Variants in GRIK5 observed in about 807,000 individuals in gnomAD.
The protein encoded by GRIK5 is glutamate ionotropic receptor kainate type subunit 5.
GRIK5 carries 43 observed loss-of-function variants against 97.4 expected under a neutral mutation model. That is an observed-to-expected ratio of 0.44 (90% CI 0.35 to 0.57). The LOEUF (loss-of-function observed/expected upper bound fraction) is 0.57. GRIK5 is among the 20% of genes least tolerant of loss of function. The pLI is 0.01. For synonymous variants in GRIK5, 580 were observed against 583.5 expected, an observed-to-expected ratio of 0.99 and a Z score of 0.09; for missense variants, 1,015 against 1,382.0, an observed-to-expected ratio of 0.73 and a Z score of 4.21.
In GRIK5 at chr19:42,005,934, T is replaced by C; in HGVS notation, c.2052A>G (p.Gln684=). 14 of 1,564,444 alleles carry C rather than the reference T, an allele frequency of 8.9e-6. No individual in the cohort carries two copies. Among genetic ancestry groups the C allele is most frequent in the Non-Finnish European group, 1.2e-5 (14 of 1,140,822 alleles). ...TGTAGTTCCACATGCGCTGGTACGT[T>C]TGGTACCGTGAATTCTGGGCAGGAG... ...TMTFFQNSRY[Q]TYQRMWNYMQ... is the part of the protein sequence containing the mutation. Residue 684 remains glutamine, a synonymous_variant, in exon 17 of 20, where the codon CAA becomes CAG. Coordinates refer to ENST00000593562, the MANE Select transcript of GRIK5 (RefSeq NM_002088.5).
chr19:42,040,973 T>C (rs1039067553), intron 12 of GRIK5, among the ~76,000 whole-genome samples: 1 of 152,138 alleles, frequency 6.6e-6, no homozygotes, highest in Admixed American at 6.6e-5. Context: ...GGCAGCTTTA[T>C]GGGGCAGCGC....
intron 15 of GRIK5, among the ~76,000 whole-genome samples, chr19:42,011,385 T>C (rs2075559909): frequency 6.6e-6 from 1 of 151,408 alleles, no homozygotes; most frequent in Non-Finnish European, 1.5e-5. Flanking sequence ...ACCCCGTCTC[T>C]ACTAAAAATA....
chr19:42,019,992 T>G (rs1031224415), intron 15 of GRIK5, among the ~76,000 whole-genome samples: 2 of 151,772 alleles, frequency 1.3e-5, no homozygotes, highest in South Asian at 2.1e-4. Context: ...TGGGGGTTTT[T>G]TTTTTTTTTT....
chr19:42,024,829 C>G (rs965090450), intron 12 of GRIK5, among the ~76,000 whole-genome samples: 10 of 152,216 alleles, frequency 6.6e-5, no homozygotes, highest in Non-Finnish European at 1.0e-4. Context: ...CCCTCCAGGG[C>G]TCCTCACACC....
At chr19:42,061,942 A>C (rs1244541775) in intron 5 of GRIK5, among the ~76,000 whole-genome samples, 1 of 152,136 alleles carries the variant, frequency 6.6e-6, no homozygotes, top group African/African-American at 2.4e-5. Flanking sequence ...CATTTCAGCC[A>C]CTGGGAGTAT....
intron 1 of GRIK5, chr19:42,068,851 C>A (rs1169374990): frequency 4.4e-6 from 3 of 681,792 alleles, no homozygotes; most frequent in Admixed American, 4.2e-5. Flanking sequence ...GGGGACAGGG[C>A]CAAGGCCCAC....
chr19:42,045,945 A>C (rs2076038127), intron 11 of GRIK5, among the ~76,000 whole-genome samples: 1 of 152,212 alleles, frequency 6.6e-6, no homozygotes, highest in Admixed American at 6.5e-5. Context: ...AGAATCAGAC[A>C]GTGGATATGG....
intron 15 of GRIK5, among the ~76,000 whole-genome samples, chr19:42,012,381 G>A (rs901968790): frequency 2.0e-5 from 3 of 152,052 alleles, no homozygotes; most frequent in African/African-American, 7.2e-5. Context: ...CTCCCGAGTA[G>A]CTGGAACTAC....
At chr19:42,057,040 GA>G in intron 6 of GRIK5, 62 bp from the exon 7 acceptor site, 1 of 1,224,796 alleles carries the variant, frequency 8.2e-7, no homozygotes, top group Non-Finnish European at 1.2e-6. Context: ...CAGAGATGGG[GA>G]GGACTCAAGA....
At chr19:42,012,313 C>T (rs1166540193) in intron 15 of GRIK5, among the ~76,000 whole-genome samples, 5 of 152,080 alleles carry the variant, frequency 3.3e-5, no homozygotes, top group African/African-American at 9.7e-5. Flanking sequence ...TGCAGTGGCA[C>T]GATCTCAGCT....
chr19:42,047,664 C>A (rs1267685199), intron 11 of GRIK5, among the ~76,000 whole-genome samples: 2 of 151,826 alleles, frequency 1.3e-5, no homozygotes, highest in African/African-American at 4.8e-5. Context: ...GAATTAAATA[C>A]CCATATGGAA....
chr19:42,025,810 T>C (rs961178127), intron 12 of GRIK5, among the ~76,000 whole-genome samples: 8 of 152,294 alleles, frequency 5.3e-5, no homozygotes, highest in African/African-American at 1.4e-4. Context: ...CACAGTATTT[T>C]CCTGCTTAGA....
intron 11 of GRIK5, among the ~76,000 whole-genome samples, chr19:42,050,425 C>T (rs1012864120): frequency 2.6e-5 from 4 of 151,640 alleles, no homozygotes; most frequent in South Asian, 2.1e-4. Flanking sequence ...TTTGGGAGGC[C>T]GAGACGGGCA....
intron 12 of GRIK5, among the ~76,000 whole-genome samples, chr19:42,026,456 G>A (rs113832858): frequency 0.02 from 2,999 of 151,232 alleles, 111 homozygotes; most frequent in African/African-American, 0.069. Context: ...GTTTCACCAC[G>A]TTGGCCAGGT....
In GRIK5 at chr19:42,070,162, G is replaced by A. The variant is rs1032070154; in HGVS notation, c.-972C>T. 9.2e-5 allele frequency among the ~76,000 whole-genome samples: 14 copies of A among 152,186 alleles called. No homozygotes were observed. Among genetic ancestry groups the A allele is most frequent in the African/African-American group, 2.4e-4 (10 of 41,544 alleles). On this transcript the variant is annotated 5_prime_UTR_variant, in exon 1 of 20. Coordinates refer to ENST00000593562, the MANE Select transcript of GRIK5 (RefSeq NM_002088.5). The stretch of plus-strand genomic sequence containing the variant: ...GCTCAGTCTCCCCTCCGAGGCCGCC[G>A]CCTGCCTGCCCGCCTGCCGCCTGCG...
At chr19:42,026,062 G>A (rs771931772) in intron 12 of GRIK5, among the ~76,000 whole-genome samples, 9 of 152,116 alleles carry the variant, frequency 5.9e-5, no homozygotes, top group Non-Finnish European at 1.0e-4. Context: ...GCAATCATAA[G>A]TCACTGCAGC....
intron 1 of GRIK5, among the ~76,000 whole-genome samples, chr19:42,068,171 A>C (rs2076365765): frequency 6.6e-6 from 1 of 151,962 alleles, no homozygotes; most frequent in South Asian, 2.1e-4. Context: ...GGAGAGAGAA[A>C]GGGGGAGTCA....
chr19:42,019,741 C>T (rs1460155504), intron 15 of GRIK5, among the ~76,000 whole-genome samples: 1 of 152,138 alleles, frequency 6.6e-6, no homozygotes, highest in Non-Finnish European at 1.5e-5. Flanking sequence ...GAGGAAGGGG[C>T]CACAAACCAA....
At chr19:42,001,814 A>G (rs2075425968) in intron 19 of GRIK5, 1 of 359,870 alleles carries the variant, frequency 2.8e-6, no homozygotes, top group Admixed American at 4.4e-5. Context: ...GTCATTTGTT[A>G]TGATAGCAAT....
Sources: allele counts gnomAD v4.1 joint callset (sites outside exome capture counted in the v4.1 genomes callset), GRCh38; gene constraint gnomAD v4.1.1; transcripts MANE v1.5; gene names NCBI Gene and HGNC (gene_info 2026-07-23, HGNC 2026-07-21).